Variants in ZZEF1 observed in about 807,000 individuals in gnomAD.
ZZEF1 encodes the protein zinc finger ZZ-type and EF-hand domain containing 1, also known as zinc finger ZZ-type and EF-hand domain-containing protein 1.
In ZZEF1, 157 loss-of-function variants were observed where a neutral mutation model predicts 342.8. The ratio of observed to expected loss-of-function variants is 0.46; its 90% confidence interval spans 0.40 to 0.52. ZZEF1 has a LOEUF of 0.52. Among genes scored for constraint, ZZEF1 ranks in the 20% least tolerant of loss-of-function variants. ZZEF1 has a pLI of 0.00. For missense variants in ZZEF1, 3,480 were observed against 3,725.6 expected, an observed-to-expected ratio of 0.93 and a Z score of 1.72; for synonymous variants, 1,505 against 1,429.1, an observed-to-expected ratio of 1.05 and a Z score of -1.20.
chr17:4,020,720 T>A (rs1330822476), intron 45 of ZZEF1, among the ~76,000 whole-genome samples: 4 of 152,234 alleles, frequency 2.6e-5, no homozygotes, highest in Admixed American at 2.0e-4. Flanking sequence ...GCCCTCATCC[T>A]TTTCATATTG....
intron 37 of ZZEF1, among the ~76,000 whole-genome samples, chr17:4,048,418 C>T (rs12942345): frequency 0.04 from 6,137 of 152,276 alleles, 191 homozygotes; most frequent in Non-Finnish European, 0.064. Flanking sequence ...AACTAGCAAC[C>T]TGACAGACAG....
At chr17:4,092,209 G>A (rs992150968) in intron 11 of ZZEF1, among the ~76,000 whole-genome samples, 3 of 151,248 alleles carry the variant, frequency 2.0e-5, no homozygotes, top group African/African-American at 7.3e-5. Flanking sequence ...CGACACATTA[G>A]TATTTTATAT....
chr17:4,034,356 T>C (rs1347545967), intron 39 of ZZEF1, 64 bp from the exon 40 acceptor site: 17 of 1,552,250 alleles, frequency 1.1e-5, no homozygotes, highest in Admixed American at 8.8e-5. Context: ...TGCTAAATAT[T>C]ATATCTCCCT....
intron 51 of ZZEF1, 151 bp from the exon 52 acceptor site, chr17:4,013,765 T>G: frequency 9.9e-7 from 1 of 1,005,292 alleles, no homozygotes; most frequent in Non-Finnish European, 1.4e-6. Context: ...AAATTCTGGC[T>G]GAAATTAAGG....
chr17:4,088,084 A>G (rs780177918), intron 13 of ZZEF1, among the ~76,000 whole-genome samples: 4 of 152,146 alleles, frequency 2.6e-5, no homozygotes, highest in Non-Finnish European at 5.9e-5. Flanking sequence ...TGTGCCCTGA[A>G]GCAGAATGGG....
intron 3 of ZZEF1, among the ~76,000 whole-genome samples, chr17:4,116,269 G>A (rs199955102): frequency 3.3e-5 from 5 of 152,160 alleles, no homozygotes; most frequent in African/African-American, 7.2e-5. Flanking sequence ...CAGAGATCAC[G>A]CCATTGCACT....
At chr17:4,054,942 C>T (rs1402176800) in intron 33 of ZZEF1, among the ~76,000 whole-genome samples, 1 of 152,088 alleles carries the variant, frequency 6.6e-6, no homozygotes, top group Non-Finnish European at 1.5e-5. Flanking sequence ...ACCTTGGTGA[C>T]CGACTGGATA....
At chr17:4,114,584 A>G in intron 3 of ZZEF1, 114 bp from the exon 4 acceptor site, 1 of 871,696 alleles carries the variant, frequency 1.1e-6, no homozygotes, top group Non-Finnish European at 1.6e-6. Context: ...AGAAACACAA[A>G]TCTTCCTTAA....
chr17:4,061,825 C>T (rs565627550), intron 30 of ZZEF1, among the ~76,000 whole-genome samples: 1 of 152,298 alleles, frequency 6.6e-6, no homozygotes, highest in East Asian at 1.9e-4. Flanking sequence ...GTATTATTCT[C>T]TGGATCAAAC....
intron 2 of ZZEF1, among the ~76,000 whole-genome samples, chr17:4,122,945 A>C (rs2058508112): frequency 7.8e-6 from 1 of 127,448 alleles, no homozygotes; most frequent in African/African-American, 2.9e-5. Flanking sequence ...TTGGAGATGG[A>C]GTCTCGCTTT....
At position 4,014,369 on chromosome 17, in the gene ZZEF1, C is replaced by T; in HGVS notation, c.8292G>A (p.Lys2764=). Residue 2764 remains lysine, a synonymous_variant, in exon 50 of 55, where the codon AAG becomes AAA. Coordinates refer to ENST00000381638, the MANE Select transcript of ZZEF1 (RefSeq NM_015113.4). This position sits in a 1 kb window ranked among gnomAD's most constrained non-coding sequence, Gnocchi z 4.4. ...DRHSFSGSQQ[K]WKDFELPGDT... is the part of the protein sequence containing the mutation. ...TACCTGGAAGTTCAAAATCTTTCCA[C>T]TTCTGCTGAGACCCGCTGAAGCTGT... 1.2e-6 allele frequency: 2 copies of T among 1,614,244 alleles called. No individual in the cohort carries two copies. The highest frequency in any genetic ancestry group is 1.7e-6 in the Non-Finnish European group (2 of 1,180,048).
intron 14 of ZZEF1, 129 bp downstream of exon 14, chr17:4,087,305 A>G (rs113388012): frequency 1.5e-5 from 10 of 647,530 alleles, no homozygotes; most frequent in East Asian, 1.4e-4. Flanking sequence ...TAATAACCAT[A>G]TATTTTAAAT....
In ZZEF1 at chr17:4,014,410, A is replaced by C. The variant is rs1777737206; in HGVS notation, c.8251T>G (p.Phe2751Val). The C allele has an allele frequency of 1.2e-6, 2 of 1,614,272 alleles. No homozygotes were observed. The highest frequency in any genetic ancestry group is 1.7e-6 in the Non-Finnish European group (2 of 1,180,042). Residue 2751 changes from phenylalanine (F) to valine (V), a missense_variant, in exon 50 of 55, where the codon TTC (phenylalanine) becomes GTC (valine). Around this residue, in one of 5 missense-constraint regions of ZZEF1, gnomAD observed 1,269 missense variants for 1,342.4 expected, o/e 0.95. Coordinates refer to ENST00000381638, the MANE Select transcript of ZZEF1 (RefSeq NM_015113.4). This position sits in a 1 kb window ranked among gnomAD's most constrained non-coding sequence, Gnocchi z 4.4. The part of the protein sequence containing the change: ...DELAMSSSSD[F>V]QQDRHSFSGS... Reference sequence around the variant, plus strand: ...CTGAAGCTGTGTCGGTCTTGCTGGAAGTCACTGCTGCTGGACATGGCTAAC... The same window carrying C: ...CTGAAGCTGTGTCGGTCTTGCTGGACGTCACTGCTGCTGGACATGGCTAAC...
In ZZEF1 at chr17:4,077,953, G is replaced by A; in HGVS notation, c.2919C>T (p.Ser973=). ...LFWSVQGSLL[S]WCYLQLKSTD... ...TGCTCTTCAGCTGCAGGTAGCACCA[G>A]GATAGCAGGCTGCCTTGGACGGACC... Residue 973 remains serine, a synonymous_variant, in exon 19 of 55, where the codon TCC becomes TCT. Coordinates refer to ENST00000381638, the MANE Select transcript of ZZEF1 (RefSeq NM_015113.4). 1 of 1,614,194 alleles carries A rather than the reference G, an allele frequency of 6.2e-7. No homozygotes were observed. The highest frequency in any genetic ancestry group is 8.5e-7 in the Non-Finnish European group (1 of 1,180,052).
At chr17:4,012,348 T>G (rs2055984728) in intron 52 of ZZEF1, among the ~76,000 whole-genome samples, 1 of 152,236 alleles carries the variant, frequency 6.6e-6, no homozygotes, top group African/African-American at 2.4e-5. Flanking sequence ...ACAAGCCATC[T>G]TGTTCTCTCC....
Position 4,008,710 on chromosome 17 carries a change from G to A in ZZEF1, c.8805+173C>T, listed in dbSNP as rs1007459279. On this transcript the variant is annotated intron_variant, in intron 54 of 54. Coordinates refer to ENST00000381638, the MANE Select transcript of ZZEF1 (RefSeq NM_015113.4). The surrounding 1 kb of genome is among the most constrained non-coding windows in gnomAD (Gnocchi z 4.2). The stretch of plus-strand genomic sequence containing the variant: ...TGAATGACTCTGATAAATGGGGCTC[G>A]TGCATGCTCTCTGAGCACCAGGAGG... 9.4e-6 allele frequency: 13 copies of A among 1,389,322 alleles called. No individual in the cohort carries two copies. In the Admixed American group the frequency reaches 3.8e-4, roughly 40 times the overall value. The allele number at this position is 1,389,322 out of a possible 1,614,324, so 86.1% of individuals were successfully genotyped here.
At chr17:4,087,232 G>A (rs937172515) in intron 14 of ZZEF1, among the ~76,000 whole-genome samples, 2 of 152,098 alleles carry the variant, frequency 1.3e-5, no homozygotes, top group African/African-American at 2.4e-5. Flanking sequence ...GGACAGTACT[G>A]TAATCCTTGA....
At chr17:4,107,437 A>G (rs984993533) in intron 6 of ZZEF1, among the ~76,000 whole-genome samples, 4 of 152,182 alleles carry the variant, frequency 2.6e-5, no homozygotes, top group Non-Finnish European at 5.9e-5. Context: ...GTGAGGTTTT[A>G]GAGCCTGAGC....
chr17:4,009,874 ATT>A, intron 52 of ZZEF1, 117 bp from the exon 53 acceptor site: 2 of 1,262,712 alleles, frequency 1.6e-6, no homozygotes, highest in South Asian at 3.0e-5. Flanking sequence ...GGTACAAATG[ATT>A]ATAAAGTCGC....
Sources: gnomAD v4.1 joint callset for allele counts (sites outside exome capture counted in the v4.1 genomes callset) on GRCh38, gnomAD v4.1.1 for gene constraint, gnomAD v4.1.1 regional missense constraint, Gnocchi (gnomAD v3.1) non-coding constraint, MANE v1.5 for transcripts, NCBI Gene and HGNC (gene_info 2026-07-23, HGNC 2026-07-21) for gene names.